ZNF831: variants seen among roughly 807,000 people sequenced by gnomAD.
ZNF831 encodes chromosome 20 open reading frame 174.
A neutral mutation model predicts 95.8 loss-of-function variants in ZNF831; 59 were observed. That is an observed-to-expected ratio of 0.62 (90% CI 0.50 to 0.77). The LOEUF (loss-of-function observed/expected upper bound fraction) is 0.77, where lower values mean the gene tolerates loss of function less well. Among genes scored for constraint, ZNF831 ranks in the 30% least tolerant of loss-of-function variants. The probability of loss-of-function intolerance (pLI) is 0.00; values close to 1 mark genes in which losing one functional copy is unlikely to be tolerated. For synonymous variants in ZNF831, 961 were observed against 925.5 expected (o/e 1.04, Z -0.70); for missense variants, 2,205 against 2,164.0 (o/e 1.02, Z -0.38).
intron 1 of ZNF831, among the ~76,000 whole-genome samples, chr20:59,187,419 A>G (rs1311716318): frequency 7.2e-5 from 11 of 152,124 alleles, no homozygotes; most frequent in Non-Finnish European, 1.6e-4. Context: ...AGGTACCAGG[A>G]TGCAGGCCCT....
chr20:59,156,626 G>A (rs1398331455), intron 2 of ZNF831, among the ~76,000 whole-genome samples: 5 of 152,136 alleles, frequency 3.3e-5, no homozygotes, highest in Admixed American at 6.5e-5. Flanking sequence ...TAGCCATCTC[G>A]CATAACTGAA....
chr20:59,149,758 G>A (rs772317447), intron 2 of ZNF831, among the ~76,000 whole-genome samples: 2 of 151,994 alleles, frequency 1.3e-5, no homozygotes, highest in Non-Finnish European at 2.9e-5. Context: ...TGGATGGCGG[G>A]GCTGGAACTT....
intron 1 of ZNF831, among the ~76,000 whole-genome samples, chr20:59,135,156 T>A (rs528111271): frequency 6.6e-6 from 1 of 152,336 alleles, no homozygotes; most frequent in African/African-American, 2.4e-5. Flanking sequence ...CATGTTCTAC[T>A]GTTGCTGTAG....
At chr20:59,161,164 G>C (rs562150094), upstream of ZNF831, among the ~76,000 whole-genome samples, 7 of 152,170 alleles carry the variant, frequency 4.6e-5, no homozygotes, top group Admixed American at 1.3e-4. Flanking sequence ...GTCGGATTCA[G>C]TGGCTTCTAG....
Position 59,190,975 on chromosome 20 carries a change from T to C in ZNF831, c.-36-9T>C, listed in dbSNP as rs529897491. On this transcript the variant is annotated splice_polypyrimidine_tract_variant and intron_variant, in intron 1 of 5. Transcript: ENST00000371030. The stretch of plus-strand genomic sequence containing the variant: ...GGTGCCCATGGTAAAGTTTGGTTGT[T>C]GTCTGCAGGTTTTCCAGCATTGTGG... The C allele has an allele frequency of 6.8e-7, 1 of 1,461,894 alleles. No homozygotes were observed. Among genetic ancestry groups the C allele is most frequent in the East Asian group, 2.5e-5 (1 of 40,690 alleles). 90.6% of individuals were successfully genotyped at this position (1,461,894 alleles called of 1,614,324 possible). A position where few individuals can be genotyped will look rare whatever the true frequency, so the allele number is the denominator to read the frequency against.
rs150169778 is a variant in ZNF831 at position 59,239,106 on chromosome 20, C to T, written c.4028-13872C>T. On this transcript the variant is annotated intron_variant, in intron 4 of 5. Coordinates refer to ENST00000371030, the MANE Select transcript of ZNF831 (RefSeq NM_178457.3). ...ATGACAATTATTTTTCTTTTGTTCC[C>T]CTCACCCAGCATCCTTTGGGGTACA... 2.5e-3 allele frequency among the ~76,000 whole-genome samples: 376 copies of T among 152,250 alleles called. 1 individual carries two copies. The highest frequency in any genetic ancestry group is 0.014 in the Middle Eastern group (4 of 294).
intron 1 of ZNF831, among the ~76,000 whole-genome samples, chr20:59,172,896 G>T (rs867958209): frequency 6.6e-6 from 1 of 152,216 alleles, no homozygotes; most frequent in Non-Finnish European, 1.5e-5. Context: ...CAGCTCTTCT[G>T]GTGTGTGAGC....
intron 4 of ZNF831, among the ~76,000 whole-genome samples, chr20:59,251,422 C>A (rs575717342): frequency 6.6e-6 from 1 of 152,328 alleles, no homozygotes; most frequent in East Asian, 1.9e-4. Context: ...GTGTCTGCAA[C>A]CCCAAAGGGA....
At chr20:59,225,935 A>C (rs1019081416) in intron 4 of ZNF831, among the ~76,000 whole-genome samples, 9 of 152,230 alleles carry the variant, frequency 5.9e-5, no homozygotes, top group African/African-American at 2.2e-4. Flanking sequence ...GGATGTAAAC[A>C]ATGTGACCAG....
chr20:59,252,944 C>T (rs374895809), intron 4 of ZNF831, 34 bp from the exon 5 acceptor site: 1 of 1,599,518 alleles, frequency 6.3e-7, no homozygotes, highest in Non-Finnish European at 8.5e-7. Context: ...TTTTATAATT[C>T]CAGTCATATG....
intron 1 of ZNF831, among the ~76,000 whole-genome samples, chr20:59,137,206 C>A (rs962227381): frequency 2.6e-5 from 4 of 152,050 alleles, no homozygotes; most frequent in Admixed American, 6.6e-5. Context: ...AAACTTTCAT[C>A]CCAAGACAGG....
chr20:59,175,199 T>C (rs1982048734), intron 1 of ZNF831, among the ~76,000 whole-genome samples: 1 of 145,352 alleles, frequency 6.9e-6, no homozygotes, highest in Admixed American at 7.1e-5. Context: ...CGTGCTTTGG[T>C]GTGGATTTCT....
intron 4 of ZNF831, among the ~76,000 whole-genome samples, chr20:59,228,523 C>A (rs899288414): frequency 2.0e-5 from 3 of 151,936 alleles, no homozygotes; most frequent in African/African-American, 7.3e-5. Context: ...AGAAGACCAG[C>A]CAATGGGAAC....
chr20:59,153,503 G>A (rs1036247273), intron 2 of ZNF831, among the ~76,000 whole-genome samples: 2 of 152,240 alleles, frequency 1.3e-5, no homozygotes, highest in East Asian at 1.9e-4. Flanking sequence ...AGGGCCAAGC[G>A]CTTATTCGTG....
rs369664027 is a variant in ZNF831 at position 59,195,882 on chromosome 20, C to A, written c.3752C>A (p.Thr1251Lys). The A allele has an allele frequency of 6.2e-7, 1 of 1,613,148 alleles. No individual in the cohort carries two copies. The highest frequency in any genetic ancestry group is 1.3e-5 in the African/African-American group (1 of 74,988). Residue 1251 changes from threonine (T) to lysine (K), a missense_variant, in exon 3 of 6, where the codon ACA (threonine) becomes AAA (lysine). By Grantham distance (78) the Thr-to-Lys change is moderately conservative. Transcript: ENST00000371030. ...TGGTGTTTTCAGTTCTCCTACCCAACAGTCCCAGGGGTGATGCCCCAGCAC... is the reference window on the plus strand; with the variant it reads ...TGGTGTTTTCAGTTCTCCTACCCAAAAGTCCCAGGGGTGATGCCCCAGCAC... ...PAQMSKFSYPTVPGVMPQHQV... is the reference protein window; with the variant it reads ...PAQMSKFSYPKVPGVMPQHQV...
intron 4 of ZNF831, among the ~76,000 whole-genome samples, chr20:59,235,398 G>A (rs559673306): frequency 5.3e-5 from 8 of 152,100 alleles, no homozygotes; most frequent in South Asian, 2.1e-4. Flanking sequence ...GTTTCCTTTC[G>A]TTGTAACCTC....
chr20:59,239,238 C>T (rs1006427862), intron 4 of ZNF831, among the ~76,000 whole-genome samples: 1 of 152,102 alleles, frequency 6.6e-6, no homozygotes, highest in Non-Finnish European at 1.5e-5. Context: ...CCATTCCCAG[C>T]GCTTCCAGCC....
At chr20:59,141,961 C>T (rs373535302) in intron 1 of ZNF831, among the ~76,000 whole-genome samples, 37 of 152,336 alleles carry the variant, frequency 2.4e-4, no homozygotes, top group East Asian at 1.4e-3. Flanking sequence ...CTGTGGTGAA[C>T]GGCTGGCTCT....
At chr20:59,135,897 C>T (rs192143881) in intron 1 of ZNF831, among the ~76,000 whole-genome samples, 139 of 152,224 alleles carry the variant, frequency 9.1e-4, no homozygotes, top group African/African-American at 3.3e-3. Context: ...TTGCTTGAAC[C>T]CAGGAATTTG....
Sources: gnomAD v4.1 joint callset for allele counts (sites outside exome capture counted in the v4.1 genomes callset) on GRCh38, gnomAD v4.1.1 for gene constraint, MANE v1.5 for transcripts, NCBI Gene and HGNC (gene_info 2026-07-23, HGNC 2026-07-21) for gene names.